Variants in FBXL7 observed in about 807,000 individuals in gnomAD.
FBXL7 encodes F-box and leucine rich repeat protein 7.
In FBXL7, 12 loss-of-function variants were observed where a neutral mutation model predicts 38.3. That is an observed-to-expected ratio of 0.31 (90% confidence interval 0.20 to 0.51). The LOEUF (loss-of-function observed/expected upper bound fraction) is 0.51. FBXL7 is among the 20% of genes least tolerant of loss of function. The pLI, the probability that FBXL7 is intolerant of heterozygous loss-of-function variation, is 0.98. For synonymous variants in FBXL7, 297 were observed against 300.9 expected, an observed-to-expected ratio of 0.99 and a Z score of 0.13; for missense variants, 567 against 676.4, an observed-to-expected ratio of 0.84 and a Z score of 1.79.
chr5:15,560,986 G>C (rs1363411874), intron 1 of FBXL7, among the ~76,000 whole-genome samples: 5 of 152,028 alleles, frequency 3.3e-5, no homozygotes, highest in Admixed American at 1.3e-4. Context: ...TCATTACTAG[G>C]GTCAAGTAAA....
intron 1 of FBXL7, among the ~76,000 whole-genome samples, chr5:15,506,296 A>C (rs945133641): frequency 3.3e-5 from 5 of 152,156 alleles, no homozygotes; most frequent in Admixed American, 6.5e-5. Flanking sequence ...CGAGATGGCT[A>C]TTCCGTGACT....
At chr5:15,914,743 T>C (rs906633647) in intron 2 of FBXL7, among the ~76,000 whole-genome samples, 1 of 152,030 alleles carries the variant, frequency 6.6e-6, no homozygotes, top group Admixed American at 6.6e-5. Context: ...AAAATGAAAG[T>C]GATTTGTGGT....
chr5:15,808,592 G>A (rs999225651), intron 2 of FBXL7, among the ~76,000 whole-genome samples: 3 of 152,106 alleles, frequency 2.0e-5, no homozygotes, highest in Non-Finnish European at 2.9e-5. Flanking sequence ...TCTTCCCCTA[G>A]CCAGAACCAA....
chr5:15,930,679 G>A (rs1742015948), intron 3 of FBXL7, among the ~76,000 whole-genome samples: 1 of 152,144 alleles, frequency 6.6e-6, no homozygotes, highest in African/African-American at 2.4e-5. Flanking sequence ...CTCCCCTCAT[G>A]TCTCCCAATG....
At chr5:15,621,650 G>A (rs1037957063) in intron 2 of FBXL7, among the ~76,000 whole-genome samples, 1 of 152,184 alleles carries the variant, frequency 6.6e-6, no homozygotes, top group South Asian at 2.1e-4. Flanking sequence ...TGGGCGGGTG[G>A]CTCAGTCTTT....
intron 2 of FBXL7, among the ~76,000 whole-genome samples, chr5:15,786,262 C>A (rs1385370007): frequency 6.6e-6 from 1 of 152,004 alleles, no homozygotes; most frequent in East Asian, 1.9e-4. Flanking sequence ...GGTGTTTCCT[C>A]CTTCCCTCCC....
At chr5:15,725,451 T>C (rs545781279) in intron 2 of FBXL7, among the ~76,000 whole-genome samples, 16 of 152,350 alleles carry the variant, frequency 1.1e-4, no homozygotes, top group Non-Finnish European at 1.9e-4. Flanking sequence ...TTTTCATTTA[T>C]AGAATTTTTC....
chr5:15,644,741 C>T (rs1259932281), intron 2 of FBXL7, among the ~76,000 whole-genome samples: 7 of 152,144 alleles, frequency 4.6e-5, no homozygotes, highest in African/African-American at 1.7e-4. Flanking sequence ...AGGCGCTCCT[C>T]ACTGTATGGT....
chr5:15,561,352 AT>A (rs1738410731), intron 1 of FBXL7, among the ~76,000 whole-genome samples: 1 of 152,154 alleles, frequency 6.6e-6, no homozygotes. Context: ...TTTCATTTAA[AT>A]AATGTCCTCT....
rs368687524 is a variant in FBXL7 at position 15,815,610 on chromosome 5, CTATT to C, written c.128-112277_128-112274del. On this transcript the variant is annotated intron_variant, in intron 2 of 3. Coordinates refer to ENST00000504595, the MANE Select transcript of FBXL7 (RefSeq NM_012304.5). ...GAATCTACTCAATCAAGATACTTGA[CTATT>C]TAGGACAGGACAATTTTGTGAGAAA... Among the ~76,000 whole-genome samples, 31 of 152,160 alleles carry C rather than the reference CTATT, an allele frequency of 2.0e-4. No homozygotes were observed. In the Middle Eastern group the frequency reaches 0.01, roughly 50 times the overall value.
intron 2 of FBXL7, among the ~76,000 whole-genome samples, chr5:15,674,148 G>A (rs1742576247): frequency 6.6e-6 from 1 of 152,186 alleles, no homozygotes; most frequent in African/African-American, 2.4e-5. Flanking sequence ...TGTGATAGCA[G>A]TCTCAGAGAC....
intron 2 of FBXL7, among the ~76,000 whole-genome samples, chr5:15,619,977 A>G (rs991171409): frequency 3.3e-5 from 5 of 152,150 alleles, no homozygotes; most frequent in African/African-American, 9.7e-5. Context: ...GGATAGAGAA[A>G]ACAGAGGGCC....
intron 2 of FBXL7, among the ~76,000 whole-genome samples, chr5:15,690,026 G>A (rs1342061107): frequency 6.6e-6 from 1 of 152,216 alleles, no homozygotes; most frequent in African/African-American, 2.4e-5. Flanking sequence ...TATCCCCAGG[G>A]ATGAGAGTTA....
chr5:15,524,689 T>C (rs965259308), intron 1 of FBXL7, among the ~76,000 whole-genome samples: 4 of 152,230 alleles, frequency 2.6e-5, no homozygotes, highest in African/African-American at 9.6e-5. Flanking sequence ...TTTCTTATTG[T>C]TACTGACACA....
At chr5:15,655,129 T>C (rs1741832439) in intron 2 of FBXL7, among the ~76,000 whole-genome samples, 1 of 152,232 alleles carries the variant, frequency 6.6e-6, no homozygotes, top group Admixed American at 6.5e-5. Flanking sequence ...TGAACATCCT[T>C]GTGTCTACCA....
At chr5:15,848,299 T>G (rs1486718312) in intron 2 of FBXL7, among the ~76,000 whole-genome samples, 2 of 150,916 alleles carry the variant, frequency 1.3e-5, no homozygotes, top group Non-Finnish European at 2.9e-5. Context: ...TAATTCTACC[T>G]TTCTTAAAAA....
intron 2 of FBXL7, among the ~76,000 whole-genome samples, chr5:15,669,553 C>T (rs940507302): frequency 6.6e-6 from 1 of 152,156 alleles, no homozygotes; most frequent in Admixed American, 6.5e-5. Flanking sequence ...TAGAACTACA[C>T]TCCTCCTACC....
At chr5:15,841,965 GC>G in intron 2 of FBXL7, among the ~76,000 whole-genome samples, 1 of 152,368 alleles carries the variant, frequency 6.6e-6, no homozygotes, top group Non-Finnish European at 1.5e-5. Flanking sequence ...CTCTGCTAGG[GC>G]AGTGCAGAAG....
At chr5:15,926,810 A>T (rs958394070) in intron 2 of FBXL7, among the ~76,000 whole-genome samples, 1 of 152,060 alleles carries the variant, frequency 6.6e-6, no homozygotes, top group Non-Finnish European at 1.5e-5. Context: ...GAGGCCTTTC[A>T]TTGGCTCCCC....
Sources: gnomAD v4.1 joint callset for allele counts (sites outside exome capture counted in the v4.1 genomes callset) on GRCh38, gnomAD v4.1.1 for gene constraint, MANE v1.5 for transcripts, NCBI Gene and HGNC (gene_info 2026-07-23, HGNC 2026-07-21) for gene names.